SORBS2: variants seen among roughly 807,000 people sequenced by gnomAD.
The protein encoded by SORBS2 is sorbin and SH3 domain containing 2, also known as sorbin and SH3 domain-containing protein 2.
In SORBS2, 46 loss-of-function variants were observed where a neutral mutation model predicts 97.7. The observed-to-expected ratio is 0.47, with a 90% CI of 0.37 to 0.60. SORBS2 has a LOEUF of 0.60. SORBS2 is among the 20% of genes least tolerant of loss of function. The pLI, the probability that SORBS2 is intolerant of heterozygous loss-of-function variation, is 0.00. For missense variants in SORBS2, 1,316 were observed against 1,282.3 expected (o/e 1.03, Z -0.40); for synonymous variants, 476 against 473.4 (o/e 1.01, Z -0.07).
At chr4:185,729,424 G>A (rs2098596062) in intron 2 of SORBS2, among the ~76,000 whole-genome samples, 1 of 152,146 alleles carries the variant, frequency 6.6e-6, no homozygotes, top group Non-Finnish European at 1.5e-5. Flanking sequence ...AGTAACAAGG[G>A]GAACTAGACT....
intron 1 of SORBS2, among the ~76,000 whole-genome samples, chr4:185,953,103 T>C (rs925168886): frequency 3.3e-5 from 5 of 152,084 alleles, no homozygotes; most frequent in Admixed American, 6.6e-5. Context: ...TCACCTGAGG[T>C]CAGGAGTTCA....
At chr4:185,936,186 G>T (rs138509591) in intron 1 of SORBS2, among the ~76,000 whole-genome samples, 5 of 152,180 alleles carry the variant, frequency 3.3e-5, no homozygotes, top group Admixed American at 2.0e-4. Context: ...GAGGAGACAC[G>T]TGCTATTCAA....
intron 4 of SORBS2, among the ~76,000 whole-genome samples, chr4:185,666,883 G>A (rs1011864354): frequency 2.0e-5 from 3 of 152,144 alleles, no homozygotes; most frequent in African/African-American, 7.2e-5. Context: ...ACTATGGTTG[G>A]CACTAAATCT....
intron 1 of SORBS2, among the ~76,000 whole-genome samples, chr4:185,921,181 C>T (rs921593515): frequency 2.6e-5 from 4 of 152,214 alleles, no homozygotes; most frequent in Admixed American, 6.5e-5. Context: ...TTCCCATTCT[C>T]GTAGACGTTA....
At chr4:185,839,520 C>T (rs1319294686) in intron 1 of SORBS2, among the ~76,000 whole-genome samples, 1 of 152,104 alleles carries the variant, frequency 6.6e-6, no homozygotes, top group African/African-American at 2.4e-5. Flanking sequence ...AGTCAGAGTT[C>T]CCAAGAACAA....
chr4:185,671,698 T>G (rs1165777335), intron 4 of SORBS2, among the ~76,000 whole-genome samples: 2 of 152,222 alleles, frequency 1.3e-5, no homozygotes, highest in Non-Finnish European at 2.9e-5. Flanking sequence ...CACTGTCAGA[T>G]AGAGGCGGAA....
intron 4 of SORBS2, among the ~76,000 whole-genome samples, chr4:185,641,763 A>G (rs188385163): frequency 0.011 from 1,661 of 151,572 alleles, 33 homozygotes; most frequent in African/African-American, 0.038. Context: ...TTTTCATTAA[A>G]AAAAAAAAAA....
At position 185,747,070 on chromosome 4, in the gene SORBS2, G is replaced by A. The variant is rs143534305; in HGVS notation, c.-198+28157C>T. On this transcript the variant is annotated intron_variant, in intron 2 of 20. Coordinates refer to the SORBS2 transcript ENST00000284776. ...TGCACTCCAGCCTGGGCAACAGTGT[G>A]AGACTTGTCTCGAAACAAAAAAGGA... Among the ~76,000 whole-genome samples, 414 of 152,264 alleles carry A rather than the reference G, an allele frequency of 2.7e-3. 1 individual carries two copies. The highest frequency in any genetic ancestry group is 4.7e-3 in the Non-Finnish European group (318 of 68,020).
At chr4:185,874,832 A>T (rs2099232426) in intron 1 of SORBS2, among the ~76,000 whole-genome samples, 1 of 104,998 alleles carries the variant, frequency 9.5e-6, no homozygotes, top group Admixed American at 1.0e-4. Context: ...AAGTTAAAGC[A>T]CTATTATTGG....
In SORBS2 at chr4:185,738,621, T is replaced by C. The variant is rs112984715; in HGVS notation, c.-198+36606A>G. 1.6e-3 allele frequency among the ~76,000 whole-genome samples: 246 copies of C among 152,374 alleles called. 1 individual carries two copies. The highest frequency in any genetic ancestry group is 5.6e-3 in the African/African-American group (234 of 41,598). On this transcript the variant is annotated intron_variant, in intron 2 of 20. Transcript: ENST00000284776. ...GGATTTTTTCTTTTCTAAGAATAAA[T>C]AATTTTTCTGGGTTATAAAAATTCC... is the stretch of plus-strand genomic sequence containing the variant.
intron 9 of SORBS2, 101 bp downstream of exon 21, chr4:185,618,484 G>T: frequency 1.8e-6 from 1 of 557,762 alleles, no homozygotes; most frequent in Admixed American, 3.0e-5. Flanking sequence ...TTGGGAATTA[G>T]ACCTCATTTG....
At chr4:185,888,059 ATATTATTAT>A (rs148021041) in intron 1 of SORBS2, among the ~76,000 whole-genome samples, 1 of 148,912 alleles carries the variant, frequency 6.7e-6, no homozygotes, top group South Asian at 2.2e-4. Context: ...CTGACATTCT[ATATTATTAT>A]TATTATTATT....
intron 11 of SORBS2, among the ~76,000 whole-genome samples, chr4:185,614,230 T>G (rs1219353560): frequency 6.9e-6 from 1 of 144,638 alleles, no homozygotes; most frequent in Non-Finnish European, 1.5e-5. Flanking sequence ...GTGCTGGGAT[T>G]ACAGGCGTGA....
chr4:185,707,199 T>G (rs13140805), intron 2 of SORBS2, among the ~76,000 whole-genome samples: 1 of 152,066 alleles, frequency 6.6e-6, no homozygotes, highest in Admixed American at 6.5e-5. Context: ...TAAATACTAT[T>G]GTTATCTTAT....
At chr4:185,712,146 G>A (rs1178364192) in intron 2 of SORBS2, among the ~76,000 whole-genome samples, 1 of 152,044 alleles carries the variant, frequency 6.6e-6, no homozygotes, top group East Asian at 1.9e-4. Context: ...CTCTTTACCC[G>A]CTAAAATGTT....
At chr4:185,587,587 A>C (rs1164846950) in exon 15 of SORBS2, 3 of 1,594,942 alleles carry the variant, frequency 1.9e-6, no homozygotes. Context: ...ACGCAGGTGC[A>C]TGGCTGGCAG....
intron 4 of SORBS2, among the ~76,000 whole-genome samples, chr4:185,665,076 AAG>A (rs2097577352): frequency 6.6e-6 from 1 of 152,212 alleles, no homozygotes; most frequent in Non-Finnish European, 1.5e-5. Context: ...CTATAAATGA[AAG>A]ACAAATTATT....
intron 1 of SORBS2, among the ~76,000 whole-genome samples, chr4:185,655,620 G>C (rs548817302): frequency 1.3e-4 from 20 of 152,322 alleles, no homozygotes; most frequent in African/African-American, 4.8e-4. Flanking sequence ...CTATTTTATA[G>C]AAGGGAAACT....
intron 2 of SORBS2, among the ~76,000 whole-genome samples, chr4:185,707,905 A>G (rs1245355614): frequency 6.6e-6 from 1 of 152,200 alleles, no homozygotes. Context: ...ACGTGGGATT[A>G]TGGGAGCTAC....
Sources: gnomAD v4.1 joint callset for allele counts (sites outside exome capture counted in the v4.1 genomes callset) on GRCh38, gnomAD v4.1.1 for gene constraint, MANE v1.5 for transcripts, NCBI Gene and HGNC (gene_info 2026-07-23, HGNC 2026-07-21) for gene names.